The following ACAN variants were observed in gnomAD, a reference collection of about 807,000 sequenced individuals.
ACAN encodes aggrecan.
In ACAN, 47 loss-of-function variants were observed where a neutral mutation model predicts 169.1. The observed-to-expected ratio is 0.28, with a 90% CI of 0.22 to 0.35. The LOEUF (loss-of-function observed/expected upper bound fraction) is 0.35. Among genes scored for constraint, ACAN ranks in the 10% least tolerant of loss-of-function variants. The pLI, the probability that ACAN is intolerant of heterozygous loss-of-function variation, is 1.00. For synonymous variants in ACAN, 1,115 were observed against 1,112.2 expected (o/e 1.00, Z -0.05); for missense variants, 2,716 against 2,759.9 (o/e 0.98, Z 0.36).
At position 88,868,568 on chromosome 15, in the gene ACAN, C is replaced by T; in HGVS notation, c.7060+239C>T. Among the ~76,000 whole-genome samples the T allele has an allele frequency of 6.6e-6, 1 of 152,118 alleles. No homozygotes were observed. Among genetic ancestry groups the T allele is most frequent in the South Asian group, 2.1e-4 (1 of 4,818 alleles). Reference sequence around the variant, plus strand: ...GCTGATCTGACTTTCTCCAGGGCTTCCAGATCTACTGATGCCACCACCGAG... The same window carrying T: ...GCTGATCTGACTTTCTCCAGGGCTTTCAGATCTACTGATGCCACCACCGAG... On this transcript the variant is annotated intron_variant, in intron 14 of 18. Coordinates refer to ENST00000560601, the MANE Select transcript of ACAN (RefSeq NM_001369268.1). This position sits in a 1 kb window ranked among gnomAD's most constrained non-coding sequence, Gnocchi z 5.2.
chr15:88,862,623 A>G lies in ACAN; in HGVS notation c.6946+2184A>G, dbSNP rs143053202. 5.8e-3 allele frequency among the ~76,000 whole-genome samples: 880 copies of G among 152,216 alleles called. 4 individuals carry two copies. The highest frequency in any genetic ancestry group is 0.014 in the Middle Eastern group (4 of 294). ...TAGCTCAAGGTTCAAGTGCTTCCAG[A>G]AGGACTGCAGATAGTGGCCAGTCTT... On this transcript the variant is annotated intron_variant, in intron 13 of 18. Transcript: ENST00000560601.
chr15:88,821,040 A>C (rs1235180726), intron 1 of ACAN, among the ~76,000 whole-genome samples: 4 of 152,136 alleles, frequency 2.6e-5, no homozygotes, highest in Non-Finnish European at 5.9e-5. Flanking sequence ...AAACTATCAG[A>C]CTTCATGAGA....
At chr15:88,820,175 T>C (rs1030149237) in intron 1 of ACAN, among the ~76,000 whole-genome samples, 7 of 152,188 alleles carry the variant, frequency 4.6e-5, no homozygotes, top group African/African-American at 1.7e-4. Flanking sequence ...GTAGTTGTGA[T>C]AGGTGCTCAC....
intron 6 of ACAN, among the ~76,000 whole-genome samples, chr15:88,844,598 C>T (rs758177397): frequency 4.4e-4 from 67 of 152,136 alleles, no homozygotes; most frequent in Non-Finnish European, 8.2e-4. Flanking sequence ...GTCTTGAACT[C>T]CTGACCTCAG....
Position 88,874,409 on chromosome 15 carries a change from CA to C in ACAN, c.7636del (p.Thr2546ProfsTer63). On this transcript the variant is annotated frameshift_variant, in exon 19 of 19. Transcript: ENST00000560601. LOFTEE classifies it high-confidence loss of function. This position sits in a 1 kb window ranked among gnomAD's most constrained non-coding sequence, Gnocchi z 7.3. ...TCCATCTCCCTTTCGTCCTAGCCAC[CA>C]CCTACAAACGCAGACTACAGAAGCG... ...EPQITCTDPTTYKRRLQKRSS... is the reference protein window; with the variant it reads ...EPQITCTDPTXYKRRLQKRSS... 6.2e-7 allele frequency: 1 copy of C among 1,604,046 alleles called. No individual in the cohort carries two copies. Among genetic ancestry groups the C allele is most frequent in the Non-Finnish European group, 8.5e-7 (1 of 1,175,742 alleles).
intron 1 of ACAN, among the ~76,000 whole-genome samples, chr15:88,810,584 C>T (rs1895796805): frequency 1.3e-5 from 2 of 152,122 alleles, no homozygotes; most frequent in Admixed American, 6.5e-5. Flanking sequence ...CCTGCATATC[C>T]AGATGGCTCA....
In ACAN at chr15:88,843,270, C is replaced by T. The variant is rs1244722457; in HGVS notation, c.758-85C>T. The T allele has an allele frequency of 6.1e-6, 8 of 1,314,796 alleles. No homozygotes were observed. Among genetic ancestry groups the T allele is most frequent in the Admixed American group, 2.8e-5 (1 of 35,212 alleles). 81.4% of individuals were successfully genotyped at this position (1,314,796 alleles called of 1,614,324 possible). A position where few individuals can be genotyped will look rare whatever the true frequency, so the allele number is the denominator to read the frequency against. The stretch of plus-strand genomic sequence containing the variant: ...GGAAGTTAAAGGACTCCCAAGACCT[C>T]GTGGAAAAGTGTGGATCTCTCTGGG... On this transcript the variant is annotated intron_variant, in intron 5 of 18. Coordinates refer to ENST00000560601, the MANE Select transcript of ACAN (RefSeq NM_001369268.1). The surrounding 1 kb of genome is among the most constrained non-coding windows in gnomAD (Gnocchi z 4.0).
In ACAN at chr15:88,868,655, C is replaced by G. The variant is rs1181880643; in HGVS notation, c.7060+326C>G. 1.3e-5 allele frequency among the ~76,000 whole-genome samples: 2 copies of G among 152,188 alleles called. No homozygotes were observed. Among genetic ancestry groups the G allele is most frequent in the Non-Finnish European group, 2.9e-5 (2 of 68,032 alleles). ...TTCTGAGCACTTGTCTTGAAGGAAG[C>G]TATGGGGTGGGAGTAATTGGTTCTC... On this transcript the variant is annotated intron_variant, in intron 14 of 18. Coordinates refer to ENST00000560601, the MANE Select transcript of ACAN (RefSeq NM_001369268.1). The surrounding 1 kb of genome is among the most constrained non-coding windows in gnomAD (Gnocchi z 5.2).
intron 1 of ACAN, among the ~76,000 whole-genome samples, chr15:88,821,808 C>T (rs1359058252): frequency 6.6e-6 from 1 of 152,108 alleles, no homozygotes; most frequent in Non-Finnish European, 1.5e-5. Flanking sequence ...TCCAAGTCCA[C>T]CCTCTGGTTC....
chr15:88,819,473 C>A (rs1896020816), intron 1 of ACAN, among the ~76,000 whole-genome samples: 1 of 151,962 alleles, frequency 6.6e-6, no homozygotes, highest in Non-Finnish European at 1.5e-5. Context: ...TAAATGAAAT[C>A]TGGAGTTGGC....
intron 1 of ACAN, among the ~76,000 whole-genome samples, chr15:88,834,627 C>T (rs1896454810): frequency 6.6e-6 from 1 of 152,242 alleles, no homozygotes; most frequent in Non-Finnish European, 1.5e-5. Context: ...AAGGTTCCCT[C>T]CCTCTGTGAT....
chr15:88,845,936 C>T lies in ACAN; in HGVS notation c.1429+54C>T. On this transcript the variant is annotated intron_variant, in intron 7 of 18. Transcript: ENST00000560601. ...GGGCAGGTGGAGAGAACTTGGCCTG[C>T]AGGGAAGGGATTCCCGCAGTTGAAG... 5 of 1,431,042 alleles carry T rather than the reference C, an allele frequency of 3.5e-6. No homozygotes were observed. The East Asian group carries it at 1.3e-4, about 36-fold the overall frequency. The allele number at this position is 1,431,042 out of a possible 1,614,324, so 88.6% of individuals were successfully genotyped here. A position where few individuals can be genotyped will look rare whatever the true frequency, so the allele number is the denominator to read the frequency against.
chr15:88,812,417 G>T (rs1242976927), intron 1 of ACAN, among the ~76,000 whole-genome samples: 2 of 152,086 alleles, frequency 1.3e-5, no homozygotes, highest in African/African-American at 4.8e-5. Flanking sequence ...GAGGCATTTA[G>T]AAGACCTTAG....
At chr15:88,834,727 C>T (rs903658537) in intron 1 of ACAN, among the ~76,000 whole-genome samples, 5 of 152,180 alleles carry the variant, frequency 3.3e-5, no homozygotes, top group African/African-American at 1.2e-4. Flanking sequence ...AGGCATGCAC[C>T]GTGGAGGGAA....
At chr15:88,863,821 TCTTGAC>T (rs1334120227) in intron 13 of ACAN, among the ~76,000 whole-genome samples, 10 of 152,354 alleles carry the variant, frequency 6.6e-5, no homozygotes, top group African/African-American at 2.2e-4. Flanking sequence ...AAGTATGCCT[TCTTGAC>T]TTAACCAAAA....
At chr15:88,845,365 C>A in intron 6 of ACAN, 140 bp from the exon 7 acceptor site, 1 of 1,290,832 alleles carries the variant, frequency 7.7e-7, no homozygotes, top group Non-Finnish European at 1.0e-6. Flanking sequence ...ATGGGCTTGG[C>A]AAGGTGCCTG....
chr15:88,831,447 C>T (rs1014750359), intron 1 of ACAN, among the ~76,000 whole-genome samples: 18 of 152,268 alleles, frequency 1.2e-4, no homozygotes, highest in African/African-American at 4.3e-4. Flanking sequence ...CCAGTCCCAT[C>T]CTCAGCCCTC....
At chr15:88,867,213 T>A (rs191131166) in intron 13 of ACAN, among the ~76,000 whole-genome samples, 2 of 152,294 alleles carry the variant, frequency 1.3e-5, no homozygotes, top group Admixed American at 1.3e-4. Context: ...CCTTGGCTAA[T>A]TCATGAAAAT....
At position 88,831,940 on chromosome 15, in the gene ACAN, A is replaced by G. The variant is rs991781085; in HGVS notation, c.-7-4260A>G. On this transcript the variant is annotated intron_variant, in intron 1 of 18. Transcript: ENST00000560601. Reference sequence around the variant, plus strand: ...CCTCTGAAGATTCACCATGAGTCCCATGAAAGAGGAGGGGATGTGTTTTGG... The same window carrying G: ...CCTCTGAAGATTCACCATGAGTCCCGTGAAAGAGGAGGGGATGTGTTTTGG... 3.3e-5 allele frequency among the ~76,000 whole-genome samples: 5 copies of G among 152,326 alleles called. No homozygotes were observed. In the South Asian group the frequency reaches 1.0e-3, roughly 32 times the overall value.
Sources: allele counts gnomAD v4.1 joint callset (sites outside exome capture counted in the v4.1 genomes callset), GRCh38; gene constraint gnomAD v4.1.1; non-coding constraint Gnocchi (gnomAD v3.1); transcripts MANE v1.5; gene names NCBI Gene and HGNC (gene_info 2026-07-23, HGNC 2026-07-21).